ASAP1: variants seen among roughly 807,000 people sequenced by gnomAD.
The protein encoded by ASAP1 is arf-GAP with SH3 domain, ANK repeat and PH domain-containing protein 1.
In ASAP1, 43 loss-of-function variants were observed where a neutral mutation model predicts 145.2. The ratio of observed to expected loss-of-function variants is 0.30; its 90% confidence interval spans 0.23 to 0.38. ASAP1 has a LOEUF of 0.38. Among genes scored for constraint, ASAP1 ranks in the 10% least tolerant of loss-of-function variants. The probability of loss-of-function intolerance (pLI) is 1.00; values close to 1 mark genes in which losing one functional copy is unlikely to be tolerated. For synonymous variants in ASAP1, 546 were observed against 515.5 expected (o/e 1.06, Z -0.80); for missense variants, 1,018 against 1,355.3 (o/e 0.75, Z 3.91).
In ASAP1 at chr8:130,260,255, C is replaced by G. The variant is rs992619426; in HGVS notation, c.187-23261G>C. Among the ~76,000 whole-genome samples the G allele has an allele frequency of 1.4e-4, 22 of 152,126 alleles. 1 individual carries two copies. Among genetic ancestry groups the G allele is most frequent in the African/African-American group, 5.3e-4 (22 of 41,438 alleles). On this transcript the variant is annotated intron_variant, in intron 3 of 29. Transcript: ENST00000518721. ...ACAACAGGGGTGTATTCTATACCATCACAGTCTCTTCCAATCAAATCACTG... is the reference window on the plus strand; with the variant it reads ...ACAACAGGGGTGTATTCTATACCATGACAGTCTCTTCCAATCAAATCACTG...
At chr8:130,134,202 T>C in intron 15 of ASAP1, 94 bp downstream of exon 15, 1 of 996,008 alleles carries the variant, frequency 1.0e-6, no homozygotes, top group Non-Finnish European at 1.5e-6. Context: ...CAGGCGAGGT[T>C]CTTACAAATG....
At chr8:130,081,372 G>A (rs1402383912) in intron 25 of ASAP1, among the ~76,000 whole-genome samples, 3 of 152,180 alleles carry the variant, frequency 2.0e-5, no homozygotes, top group Non-Finnish European at 2.9e-5. Flanking sequence ...GCACCCAGGA[G>A]GATTCCCCGG....
At chr8:130,092,559 C>G (rs147935110) in intron 24 of ASAP1, among the ~76,000 whole-genome samples, 1 of 151,988 alleles carries the variant, frequency 6.6e-6, no homozygotes, top group South Asian at 2.1e-4. Flanking sequence ...GTCAGGAGTT[C>G]GAGGATACAC....
At chr8:130,252,021 A>G (rs1315810564) in intron 3 of ASAP1, among the ~76,000 whole-genome samples, 1 of 152,176 alleles carries the variant, frequency 6.6e-6, no homozygotes, top group Non-Finnish European at 1.5e-5. Flanking sequence ...CATTTCCTCA[A>G]TAATAAAGGA....
chr8:130,072,886 C>T (rs2097452777), intron 27 of ASAP1, among the ~76,000 whole-genome samples: 2 of 146,478 alleles, frequency 1.4e-5, no homozygotes. Context: ...GCACTATCTT[C>T]AGGTAGACAG....
At position 130,169,116 on chromosome 8, in the gene ASAP1, G is replaced by A. The variant is rs374693184; in HGVS notation, c.747-49C>T. On this transcript the variant is annotated intron_variant, in intron 9 of 29. Transcript: ENST00000518721. ...TTACCACCAGTATAAAAAAAAAAGA[G>A]TATTTGTTTCCTTATGTGGAAATAA... 9.8e-4 allele frequency: 1,133 copies of A among 1,154,248 alleles called. 17 individuals carry two copies. In the South Asian group the frequency reaches 0.015, roughly 16 times the overall value. 71.5% of individuals were successfully genotyped at this position (1,154,248 alleles called of 1,614,324 possible).
At chr8:130,255,700 C>T (rs1819469359) in intron 3 of ASAP1, among the ~76,000 whole-genome samples, 1 of 152,134 alleles carries the variant, frequency 6.6e-6, no homozygotes, top group South Asian at 2.1e-4. Flanking sequence ...TATGAATTAT[C>T]AGCAAACACG....
Position 130,114,288 on chromosome 8 carries a change from T to C in ASAP1, c.2172+1340A>G, listed in dbSNP as rs949124189. Among the ~76,000 whole-genome samples the C allele has an allele frequency of 3.9e-5, 6 of 152,164 alleles. No homozygotes were observed. In the East Asian group the frequency reaches 1.2e-3, roughly 29 times the overall value. On this transcript the variant is annotated intron_variant, in intron 23 of 29. Coordinates refer to ENST00000518721, the MANE Select transcript of ASAP1 (RefSeq NM_018482.4). ...CACCTAGGCTATATGGTATAGCCTA[T>C]TGCTCCCAGGCTACAAACCTGTACA...
chr8:130,223,738 C>A (rs1817429306), intron 4 of ASAP1, among the ~76,000 whole-genome samples: 1 of 152,024 alleles, frequency 6.6e-6, no homozygotes, highest in South Asian at 2.1e-4. Context: ...ATCCCACACT[C>A]CAGAGTCTCA....
chr8:130,192,344 G>T (rs1245040642), intron 5 of ASAP1, among the ~76,000 whole-genome samples: 1 of 143,784 alleles, frequency 7.0e-6, no homozygotes, highest in East Asian at 2.2e-4. Flanking sequence ...AGCGATGGGG[G>T]ACTATGTCTA....
chr8:130,230,360 T>G lies in ASAP1; in HGVS notation c.259+6562A>C, dbSNP rs151311737. On this transcript the variant is annotated intron_variant, in intron 4 of 29. Transcript: ENST00000518721. ...TGAGCCAATAACTAGGATCCAAAAA[T>G]TGAAACTTCCTAAGAAGCCTCGGGT... Among the ~76,000 whole-genome samples the G allele has an allele frequency of 3.3e-5, 5 of 152,258 alleles. No individual in the cohort carries two copies. The East Asian group carries it at 9.7e-4, about 29-fold the overall frequency.
chr8:130,343,490 G>A (rs1017956430), intron 3 of ASAP1, among the ~76,000 whole-genome samples: 4 of 152,170 alleles, frequency 2.6e-5, no homozygotes, highest in Admixed American at 6.5e-5. Context: ...AACTTAAATC[G>A]AGACCTCAAA....
intron 3 of ASAP1, among the ~76,000 whole-genome samples, chr8:130,259,513 C>CA (rs925930076): frequency 2.0e-5 from 3 of 152,066 alleles, no homozygotes; most frequent in Admixed American, 2.0e-4. Context: ...AACAAAACAA[C>CA]AAAAAAAGCA....
At chr8:130,066,025 T>G (rs1200671861) in intron 27 of ASAP1, among the ~76,000 whole-genome samples, 1 of 152,190 alleles carries the variant, frequency 6.6e-6, no homozygotes, top group East Asian at 1.9e-4. Context: ...CGTATCAGTA[T>G]TATCATAAAG....
chr8:130,388,942 T>C (rs1198357791), intron 2 of ASAP1, among the ~76,000 whole-genome samples: 1 of 152,196 alleles, frequency 6.6e-6, no homozygotes, highest in African/African-American at 2.4e-5. Flanking sequence ...TGACCAGCAA[T>C]GTGGCCTTAA....
intron 27 of ASAP1, among the ~76,000 whole-genome samples, chr8:130,075,761 T>C (rs1311023215): frequency 6.6e-6 from 1 of 152,200 alleles, no homozygotes; most frequent in Non-Finnish European, 1.5e-5. Flanking sequence ...GTCAAAGAGC[T>C]GAGTGTCTTA....
chr8:130,244,026 TGACCTATTAAATTCATTTTAA>T (rs1818701266), intron 3 of ASAP1, among the ~76,000 whole-genome samples: 1 of 152,148 alleles, frequency 6.6e-6, no homozygotes, highest in Non-Finnish European at 1.5e-5. Flanking sequence ...TCACAGGTGA[TGACCTATTAAATTCATTTTAA>T]AGACTTGTGT....
At chr8:130,169,842 C>T (rs1813460221) in intron 9 of ASAP1, among the ~76,000 whole-genome samples, 1 of 152,162 alleles carries the variant, frequency 6.6e-6, no homozygotes, top group East Asian at 1.9e-4. Flanking sequence ...AGCAGCAGAG[C>T]TGGTGGAATT....
intron 5 of ASAP1, among the ~76,000 whole-genome samples, chr8:130,214,018 C>G (rs1816740994): frequency 3.3e-5 from 5 of 152,166 alleles, no homozygotes; most frequent in Non-Finnish European, 1.5e-5. Flanking sequence ...ACCAGAGATT[C>G]CTTAAATCTC....
Sources: gnomAD v4.1 joint callset for allele counts (sites outside exome capture counted in the v4.1 genomes callset) on GRCh38, gnomAD v4.1.1 for gene constraint, MANE v1.5 for transcripts, NCBI Gene and HGNC (gene_info 2026-07-23, HGNC 2026-07-21) for gene names.